The following RFTN1 variants were observed in gnomAD, a reference collection of about 807,000 sequenced individuals.
The protein encoded by RFTN1 is raftlin, lipid raft linker 1.
In RFTN1, 26 loss-of-function variants were observed where a neutral mutation model predicts 46.5. The observed-to-expected ratio is 0.56, with a 90% confidence interval of 0.41 to 0.78. The LOEUF (loss-of-function observed/expected upper bound fraction) is 0.78, where lower values mean the gene tolerates loss of function less well. Ranked by LOEUF, RFTN1 falls within the 30% of genes least tolerant of loss-of-function variation. RFTN1 has a pLI of 0.00. For synonymous variants in RFTN1, 261 were observed against 284.2 expected, an observed-to-expected ratio of 0.92 and a Z score of 0.82; for missense variants, 693 against 718.7, an observed-to-expected ratio of 0.96 and a Z score of 0.41.
At position 16,387,894 on chromosome 3, in the gene RFTN1, C is replaced by G. The variant is rs2074244751; in HGVS notation, c.442-9792G>C. Among the ~76,000 whole-genome samples the G allele has an allele frequency of 6.6e-6, 1 of 152,150 alleles. No homozygotes were observed. The highest frequency in any genetic ancestry group is 6.5e-5 in the Admixed American group (1 of 15,270). The stretch of plus-strand genomic sequence containing the variant: ...ATGCATTCCCCTCCTCCTGGAGATG[C>G]TCTTCCTTGGCCTCACCACCACCTT... On this transcript the variant is annotated intron_variant, in intron 4 of 9. Coordinates refer to ENST00000334133, the MANE Select transcript of RFTN1 (RefSeq NM_015150.2). This position sits in a 1 kb window ranked among gnomAD's most constrained non-coding sequence, Gnocchi z 5.2.
In RFTN1 at chr3:16,316,583, A is replaced by T; in HGVS notation, c.*245T>A. ...GACTGGGCCTTCAGCCATGAGGGCTAGAATAACCTGACCTCTTGCATTCTA... is the reference window on the plus strand; with the variant it reads ...GACTGGGCCTTCAGCCATGAGGGCTTGAATAACCTGACCTCTTGCATTCTA... On this transcript the variant is annotated 3_prime_UTR_variant, in exon 10 of 10. Coordinates refer to ENST00000334133, the MANE Select transcript of RFTN1 (RefSeq NM_015150.2). This position sits in a 1 kb window ranked among gnomAD's most constrained non-coding sequence, Gnocchi z 4.5. 1 of 554,226 alleles carries T rather than the reference A, an allele frequency of 1.8e-6. No homozygotes were observed. Among genetic ancestry groups the T allele is most frequent in the Non-Finnish European group, 3.2e-6 (1 of 310,130 alleles). The allele number at this position is 554,226 out of a possible 1,614,324, so 34.3% of individuals were successfully genotyped here. A position where few individuals can be genotyped will look rare whatever the true frequency, so the allele number is the denominator to read the frequency against.
At chr3:16,358,130 C>A in intron 6 of RFTN1, 83 bp from the exon 7 acceptor site, 1 of 764,304 alleles carries the variant, frequency 1.3e-6, no homozygotes. Flanking sequence ...AACATTTCCA[C>A]TGCATTCATT....
In RFTN1 at chr3:16,370,215, A is replaced by C. The variant is rs779728264; in HGVS notation, c.891T>G (p.Pro297=). The C allele has an allele frequency of 2.5e-6, 4 of 1,614,120 alleles. No homozygotes were observed. Among genetic ancestry groups the C allele is most frequent in the Non-Finnish European group, 3.4e-6 (4 of 1,180,042 alleles). ...TGGAGACATGGAGAGGAATGGTGAC[A>C]GGGTAGTATTGCCGGCACTTCTGAT... The part of the protein sequence containing the change: ...KSHQKCRQYY[P]VTIPLHVSKN... The change falls in exon 6 of 10, where the codon CCT becomes CCG. Residue 297 remains proline, a synonymous_variant. Coordinates refer to ENST00000334133, the MANE Select transcript of RFTN1 (RefSeq NM_015150.2). This position sits in a 1 kb window ranked among gnomAD's most constrained non-coding sequence, Gnocchi z 5.5.
chr3:16,378,599 G>A (rs1244148365), intron 4 of RFTN1, among the ~76,000 whole-genome samples: 1 of 152,118 alleles, frequency 6.6e-6, no homozygotes, highest in African/African-American at 2.4e-5. Context: ...TTCCTTTTTG[G>A]ACAATAGTTT....
At chr3:16,365,035 G>GT (rs1260053452) in intron 6 of RFTN1, among the ~76,000 whole-genome samples, 6 of 150,142 alleles carry the variant, frequency 4.0e-5, no homozygotes, top group Non-Finnish European at 5.9e-5. Flanking sequence ...TGCAATAAAA[G>GT]TTTTTTTAAA....
rs945082287 is a variant in RFTN1, at chr3:16,410,062, C to T, written c.333-579G>A. Among the ~76,000 whole-genome samples, 4 of 151,160 alleles carry T rather than the reference C, an allele frequency of 2.6e-5. No homozygotes were observed. Among genetic ancestry groups the T allele is most frequent in the Non-Finnish European group, 2.9e-5 (2 of 67,870 alleles). On this transcript the variant is annotated intron_variant, in intron 3 of 9. Transcript: ENST00000334133. This position sits in a 1 kb window ranked among gnomAD's most constrained non-coding sequence, Gnocchi z 4.6. ...GCCCCAGATTCTTTCCCGAAAGTAA[C>T]GTCAAAAAGGCACTGATGAAAAATG...
rs1179478187 is a variant in RFTN1, at chr3:16,345,825, CGCGT to C, written c.1146+12103_1146+12106del. On this transcript the variant is annotated intron_variant, in intron 7 of 9. Transcript: ENST00000334133. The surrounding 1 kb of genome is among the most constrained non-coding windows in gnomAD (Gnocchi z 5.2). ...GTGTGTGTGTGTGTGTGTGCGCGCG[CGCGT>C]GCGCGCACGCGCACATGTGCATGTG... Among the ~76,000 whole-genome samples, 1,116 of 88,168 alleles carry C rather than the reference CGCGT, an allele frequency of 0.013. 18 individuals are homozygous for C. The highest frequency in any genetic ancestry group is 0.043 in the African/African-American group (1,024 of 23,834). 57.8% of individuals were successfully genotyped at this position (88,168 alleles called of 152,430 possible).
intron 4 of RFTN1, among the ~76,000 whole-genome samples, chr3:16,406,891 C>T (rs1008850317): frequency 5.3e-5 from 8 of 152,134 alleles, no homozygotes; most frequent in African/African-American, 1.9e-4. Context: ...TCTAATGAAT[C>T]ATCAGACACA....
At chr3:16,393,479 C>A (rs71310340) in intron 4 of RFTN1, among the ~76,000 whole-genome samples, 25,138 of 152,052 alleles carry the variant, frequency 0.17, 2,373 homozygotes, top group East Asian at 0.3. Flanking sequence ...GGATTTTACC[C>A]CCTAAAATGT....
chr3:16,493,628 C>T (rs1368399802), intron 2 of RFTN1, 97 bp downstream of exon 2: 2 of 1,173,346 alleles, frequency 1.7e-6, no homozygotes, highest in Admixed American at 4.2e-5. Flanking sequence ...TCTTCACAGC[C>T]CCCACCCCAT....
rs1278713014 is a variant in RFTN1, at chr3:16,337,193, TGA to T, written c.1147-10319_1147-10318del. The stretch of plus-strand genomic sequence containing the variant: ...CTGTGGCCCTGCTAAGCAGCAGACG[TGA>T]GAGATGCCATCTTGGAGCTGCTAGC... On this transcript the variant is annotated intron_variant, in intron 7 of 9. Transcript: ENST00000334133. This position sits in a 1 kb window ranked among gnomAD's most constrained non-coding sequence, Gnocchi z 5.0. 6.6e-6 allele frequency: 1 copy of T among 152,164 alleles called. No homozygotes were observed. Among genetic ancestry groups the T allele is most frequent in the Non-Finnish European group, 1.5e-5 (1 of 68,058 alleles). 9.4% of individuals were successfully genotyped at this position (152,164 alleles called of 1,614,324 possible).
chr3:16,404,654 C>T (rs2125438874), intron 4 of RFTN1, among the ~76,000 whole-genome samples: 1 of 151,998 alleles, frequency 6.6e-6, no homozygotes, highest in South Asian at 2.1e-4. Context: ...TCAACCCATG[C>T]TCCTGTGCAT....
At chr3:16,386,346 C>T (rs2074173601) in intron 4 of RFTN1, among the ~76,000 whole-genome samples, 1 of 152,220 alleles carries the variant, frequency 6.6e-6, no homozygotes, top group Non-Finnish European at 1.5e-5. Flanking sequence ...ATGCCCAACA[C>T]TGTTTTAAAG....
intron 4 of RFTN1, among the ~76,000 whole-genome samples, chr3:16,405,106 T>A (rs543921279): frequency 7.9e-5 from 12 of 152,286 alleles, no homozygotes; most frequent in African/African-American, 2.9e-4. Context: ...CTGTTCATTC[T>A]GTGTCACTCT....
intron 9 of RFTN1, 90 bp downstream of exon 9, chr3:16,323,286 G>A: frequency 1.1e-6 from 1 of 938,794 alleles, no homozygotes; most frequent in Non-Finnish European, 1.7e-6. Flanking sequence ...TTGGAAGCTG[G>A]AGCAGGCTGC....
rs2074564311 is a variant in RFTN1 at position 16,400,061 on chromosome 3, T to G, written c.441+9314A>C. Among the ~76,000 whole-genome samples, 1 of 152,156 alleles carries G rather than the reference T, an allele frequency of 6.6e-6. No individual in the cohort carries two copies. Among genetic ancestry groups the G allele is most frequent in the Non-Finnish European group, 1.5e-5 (1 of 68,022 alleles). Reference sequence around the variant, plus strand: ...TTCTGATCTTTCCAAAGTATACATTTAGGAATCATTCTCCAGCTGCTCCTG... The same window carrying G: ...TTCTGATCTTTCCAAAGTATACATTGAGGAATCATTCTCCAGCTGCTCCTG... On this transcript the variant is annotated intron_variant, in intron 4 of 9. Coordinates refer to ENST00000334133, the MANE Select transcript of RFTN1 (RefSeq NM_015150.2). The surrounding 1 kb of genome is among the most constrained non-coding windows in gnomAD (Gnocchi z 4.5).
chr3:16,431,649 G>A (rs553151846), intron 3 of RFTN1, among the ~76,000 whole-genome samples: 25 of 152,272 alleles, frequency 1.6e-4, no homozygotes, highest in Middle Eastern at 3.4e-3. Flanking sequence ...AAGGCCACTC[G>A]GATAATCTGC....
At chr3:16,378,248 C>T (rs1057242483) in intron 4 of RFTN1, 146 bp from the exon 5 acceptor site, 2 of 660,814 alleles carry the variant, frequency 3.0e-6, no homozygotes, top group Non-Finnish European at 5.3e-6. Flanking sequence ...ACTCCATGTC[C>T]TCAGGGGCAC....
rs17042351 is a variant in RFTN1 at position 16,497,163 on chromosome 3, G to C, written c.-8-3286C>G. ...GTGTCAGTTTGTGACGATTCACTGG[G>C]CCACTGAGCAGTCTCTGTATTGATT... On this transcript the variant is annotated intron_variant, in intron 1 of 9. Transcript: ENST00000334133. Among the ~76,000 whole-genome samples, 710 of 152,212 alleles carry C rather than the reference G, an allele frequency of 4.7e-3. 9 individuals are homozygous for C. The highest frequency in any genetic ancestry group is 0.016 in the African/African-American group (671 of 41,526).
Sources: gnomAD v4.1 joint callset for allele counts (sites outside exome capture counted in the v4.1 genomes callset) on GRCh38, gnomAD v4.1.1 for gene constraint, Gnocchi (gnomAD v3.1) non-coding constraint, MANE v1.5 for transcripts, NCBI Gene and HGNC (gene_info 2026-07-23, HGNC 2026-07-21) for gene names.